LHPP: variants seen among roughly 807,000 people sequenced by gnomAD.
LHPP encodes hLHPP.
Under a neutral mutation model 30.3 loss-of-function variants are expected in LHPP, and 24 were observed. That is an observed-to-expected ratio of 0.79 (90% CI 0.57 to 1.11). LHPP has a LOEUF of 1.11. LHPP is among the 50% of genes most tolerant of loss of function. LHPP has a pLI of 0.00. For synonymous variants in LHPP, 150 were observed against 157.1 expected, an observed-to-expected ratio of 0.95 and a Z score of 0.34; for missense variants, 356 against 367.2, an observed-to-expected ratio of 0.97 and a Z score of 0.25.
intron 6 of LHPP, among the ~76,000 whole-genome samples, chr10:124,553,138 A>C (rs1402184965): frequency 6.6e-6 from 1 of 152,362 alleles, no homozygotes; most frequent in African/African-American, 2.4e-5. Context: ...AGGGACTCTG[A>C]TCAGGGACCC....
rs1185095274 is a variant in LHPP at position 124,596,603 on chromosome 10, T to A, written c.717-16661T>A. Among the ~76,000 whole-genome samples the A allele has an allele frequency of 6.6e-6, 1 of 152,128 alleles. No homozygotes were observed. The highest frequency in any genetic ancestry group is 6.5e-5 in the Admixed American group (1 of 15,280). ...AGCTGCATCTCTAGGTTGGGGCCAC[T>A]CTTTTCTTGGAACAAGAGCCCTAAA... On this transcript the variant is annotated intron_variant, in intron 6 of 6. Coordinates refer to ENST00000368842, the MANE Select transcript of LHPP (RefSeq NM_022126.4). This position sits in a 1 kb window ranked among gnomAD's most constrained non-coding sequence, Gnocchi z 4.6.
At chr10:124,589,809 C>T (rs970169013) in intron 6 of LHPP, among the ~76,000 whole-genome samples, 1 of 152,224 alleles carries the variant, frequency 6.6e-6, no homozygotes, top group Admixed American at 6.5e-5. Context: ...GTGCCGCAGC[C>T]CCTCTGGTTG....
rs1954269507 is a variant in LHPP at position 124,510,440 on chromosome 10, A to G, written c.625-6740A>G. Reference sequence around the variant, plus strand: ...CCCAGCCTCCGCCTCCCTCGCCGACAGCTTCCCGGGGCTCTGCCTGGAGGC... The same window carrying G: ...CCCAGCCTCCGCCTCCCTCGCCGACGGCTTCCCGGGGCTCTGCCTGGAGGC... On this transcript the variant is annotated intron_variant, in intron 5 of 6. Coordinates refer to ENST00000368842, the MANE Select transcript of LHPP (RefSeq NM_022126.4). This position sits in a 1 kb window ranked among gnomAD's most constrained non-coding sequence, Gnocchi z 4.0. Among the ~76,000 whole-genome samples the G allele has an allele frequency of 6.6e-6, 1 of 152,144 alleles. No individual in the cohort carries two copies. Among genetic ancestry groups the G allele is most frequent in the African/African-American group, 2.4e-5 (1 of 41,454 alleles).
intron 6 of LHPP, among the ~76,000 whole-genome samples, chr10:124,520,243 T>G (rs1021809703): frequency 6.6e-6 from 1 of 151,748 alleles, no homozygotes; most frequent in Non-Finnish European, 1.5e-5. Context: ...CACTCAGATA[T>G]TAAACCTAGT....
chr10:124,467,710 T>TCTGTTGTTG (rs1554876636), intron 1 of LHPP, among the ~76,000 whole-genome samples: 1 of 148,930 alleles, frequency 6.7e-6, no homozygotes, highest in Non-Finnish European at 1.5e-5. Flanking sequence ...GTGTGTGTTT[T>TCTGTTGTTG]TTGTTGTTGT....
In LHPP at chr10:124,515,813, C is replaced by G. The variant is rs546524812; in HGVS notation, c.625-1367C>G. On this transcript the variant is annotated intron_variant, in intron 5 of 6. Transcript: ENST00000368842. ...CTGGCTGGTGGGGACATAACGCAGTCCTGCGTGAGACACAGGCACCGTTTT... is the reference window on the plus strand; with the variant it reads ...CTGGCTGGTGGGGACATAACGCAGTGCTGCGTGAGACACAGGCACCGTTTT... Among the ~76,000 whole-genome samples, 142 of 152,334 alleles carry G rather than the reference C, an allele frequency of 9.3e-4. 2 individuals carry two copies. In the Middle Eastern group the frequency reaches 0.017, roughly 18 times the overall value.
chr10:124,512,079 CTG>C (rs1424353903), intron 5 of LHPP, among the ~76,000 whole-genome samples: 3 of 152,194 alleles, frequency 2.0e-5, no homozygotes, highest in Non-Finnish European at 4.4e-5. Context: ...GATGATGAGA[CTG>C]TGGAATTACC....
intron 1 of LHPP, among the ~76,000 whole-genome samples, chr10:124,472,616 T>G (rs1952818789): frequency 6.6e-6 from 1 of 151,560 alleles, no homozygotes; most frequent in Non-Finnish European, 1.5e-5. Context: ...TGGAGTGCAG[T>G]GGTGCGATCT....
chr10:124,594,669 C>T (rs1367670528), intron 6 of LHPP, among the ~76,000 whole-genome samples: 1 of 149,426 alleles, frequency 6.7e-6, no homozygotes, highest in Non-Finnish European at 1.5e-5. Context: ...CTCACTCTGT[C>T]ACCCAGGCTG....
chr10:124,494,114 T>C (rs1953627204), intron 3 of LHPP, among the ~76,000 whole-genome samples: 1 of 152,232 alleles, frequency 6.6e-6, no homozygotes, highest in African/African-American at 2.4e-5. Context: ...GTATTTTCAG[T>C]TGCACGTTCA....
chr10:124,465,050 G>A (rs1479158841), intron 1 of LHPP, among the ~76,000 whole-genome samples: 1 of 152,168 alleles, frequency 6.6e-6, no homozygotes, highest in Admixed American at 6.5e-5. Flanking sequence ...CATCATCACA[G>A]GTAGGCCTAA....
At chr10:124,498,157 G>GGGGAGGCAGCCCCGTCA (rs1953785298) in intron 5 of LHPP, 29 bp downstream of exon 5, 10 of 1,384,578 alleles carry the variant, frequency 7.2e-6, no homozygotes, top group Admixed American at 6.1e-5. Context: ...AAGTGGGTCA[G>GGGGAGGCAGCCCCGTCA]GGGAGGCAGC....
At chr10:124,567,982 G>A (rs549111870) in intron 6 of LHPP, among the ~76,000 whole-genome samples, 4 of 152,226 alleles carry the variant, frequency 2.6e-5, no homozygotes, top group African/African-American at 9.6e-5. Flanking sequence ...GCGCGATCTC[G>A]GCTCACTGCA....
chr10:124,532,434 C>T (rs1954921958), intron 6 of LHPP, among the ~76,000 whole-genome samples: 1 of 152,248 alleles, frequency 6.6e-6, no homozygotes, highest in African/African-American at 2.4e-5. Flanking sequence ...CCCGAGCTCA[C>T]AGCAGTGCCT....
chr10:124,481,916 G>C (rs1953149652), intron 1 of LHPP, among the ~76,000 whole-genome samples: 1 of 152,154 alleles, frequency 6.6e-6, no homozygotes, highest in African/African-American at 2.4e-5. Flanking sequence ...CCCCACACTG[G>C]GCTGTGTCCT....
chr10:124,490,368 G>T, intron 3 of LHPP: 2 of 314,422 alleles, frequency 6.4e-6, no homozygotes. Context: ...CCCCATGTGG[G>T]TGAGGTACCA....
At chr10:124,489,225 A>C (rs1460132204) in intron 3 of LHPP, among the ~76,000 whole-genome samples, 1 of 152,232 alleles carries the variant, frequency 6.6e-6, no homozygotes, top group East Asian at 1.9e-4. Context: ...AAGTATTTTT[A>C]GTCCCACTGC....
intron 1 of LHPP, among the ~76,000 whole-genome samples, chr10:124,465,828 G>T (rs1952538397): frequency 6.6e-6 from 1 of 152,236 alleles, no homozygotes; most frequent in Non-Finnish European, 1.5e-5. Context: ...CTCCCAAGGT[G>T]CTGGGATCAC....
intron 6 of LHPP, among the ~76,000 whole-genome samples, chr10:124,525,778 T>C (rs1375616303): frequency 6.6e-6 from 1 of 152,188 alleles, no homozygotes; most frequent in Admixed American, 6.5e-5. Flanking sequence ...ACAGTCACCC[T>C]CTCTGGTACT....
Sources: allele counts gnomAD v4.1 joint callset (sites outside exome capture counted in the v4.1 genomes callset), GRCh38; gene constraint gnomAD v4.1.1; non-coding constraint Gnocchi (gnomAD v3.1); transcripts MANE v1.5; gene names NCBI Gene and HGNC (gene_info 2026-07-23, HGNC 2026-07-21).